The following RBPMS variants were observed in gnomAD, a reference collection of about 807,000 sequenced individuals.
RBPMS encodes the protein RNA-binding protein with multiple splicing.
A neutral mutation model predicts 26.8 loss-of-function variants in RBPMS; 7 were observed. The observed-to-expected ratio is 0.26, with a 90% confidence interval of 0.15 to 0.49. The LOEUF (loss-of-function observed/expected upper bound fraction) is 0.49, where lower values mean the gene tolerates loss of function less well. Ranked by LOEUF, RBPMS falls within the 20% of genes least tolerant of loss-of-function variation. The probability of loss-of-function intolerance (pLI) is 0.98; values close to 1 mark genes in which losing one functional copy is unlikely to be tolerated. For missense variants in RBPMS, 186 were observed against 250.0 expected (o/e 0.74, Z 1.73); for synonymous variants, 96 against 93.3 (o/e 1.03, Z -0.17).
intron 5 of RBPMS, among the ~76,000 whole-genome samples, chr8:30,510,655 T>TC (rs1218482659): frequency 3.3e-5 from 5 of 152,140 alleles, no homozygotes; most frequent in African/African-American, 1.2e-4. Flanking sequence ...CAATCATGGC[T>TC]CCCTGCAGCT....
chr8:30,469,299 G>A (rs1480979029), intron 1 of RBPMS, among the ~76,000 whole-genome samples: 3 of 152,192 alleles, frequency 2.0e-5, no homozygotes, highest in East Asian at 1.9e-4. Flanking sequence ...TTACTGAATC[G>A]GAGTTTATTA....
chr8:30,414,405 G>A (rs1213339353), intron 1 of RBPMS, among the ~76,000 whole-genome samples: 9 of 152,196 alleles, frequency 5.9e-5, no homozygotes, highest in Non-Finnish European at 1.2e-4. Context: ...AAGTAGGCCA[G>A]GTCTGTTGCT....
In RBPMS at chr8:30,491,201, C is replaced by T. The variant is rs890881728; in HGVS notation, c.246+11824C>T. Among the ~76,000 whole-genome samples, 3 of 152,038 alleles carry T rather than the reference C, an allele frequency of 2.0e-5. No homozygotes were observed. In the East Asian group the frequency reaches 5.8e-4, roughly 29 times the overall value. On this transcript the variant is annotated intron_variant, in intron 4 of 8. Transcript: ENST00000397323. Reference sequence around the variant, plus strand: ...GTAAATAATGTATTGGTATAAATGGCTCATTTTTATCCTTAGTGAAATAAA... The same window carrying T: ...GTAAATAATGTATTGGTATAAATGGTTCATTTTTATCCTTAGTGAAATAAA...
At chr8:30,473,462 G>A (rs1385186958) in intron 1 of RBPMS, among the ~76,000 whole-genome samples, 4 of 152,180 alleles carry the variant, frequency 2.6e-5, no homozygotes, top group Non-Finnish European at 4.4e-5. Context: ...TAGTGGCACC[G>A]TAGCCAGGTA....
chr8:30,556,013 G>A, intron 6 of RBPMS: 5 of 985,452 alleles, frequency 5.1e-6, no homozygotes, highest in Non-Finnish European at 6.0e-6. Context: ...TTGGCCAGGG[G>A]GGCACTGCCC....
intron 1 of RBPMS, among the ~76,000 whole-genome samples, chr8:30,437,500 C>A (rs1210559067): frequency 6.8e-6 from 1 of 147,528 alleles, no homozygotes; most frequent in African/African-American, 2.5e-5. Flanking sequence ...ACTAAAAATG[C>A]AAAAATTAGG....
chr8:30,424,889 ACG>A (rs1186987252), intron 1 of RBPMS, among the ~76,000 whole-genome samples: 1 of 152,088 alleles, frequency 6.6e-6, no homozygotes, highest in African/African-American at 2.4e-5. Flanking sequence ...TCTTGGGTAC[ACG>A]CGCGCACACA....
intron 6 of RBPMS, among the ~76,000 whole-genome samples, chr8:30,551,251 G>A (rs1368699175): frequency 9.2e-5 from 14 of 152,198 alleles, no homozygotes; most frequent in Admixed American, 9.2e-4. Flanking sequence ...CGTCCAGGGT[G>A]TTAGGGAGAC....
intron 5 of RBPMS, among the ~76,000 whole-genome samples, chr8:30,518,062 G>T (rs561647998): frequency 6.6e-6 from 1 of 152,298 alleles, no homozygotes; most frequent in South Asian, 2.1e-4. Context: ...TGAATAGGAG[G>T]AAACTTTTCA....
intron 4 of RBPMS, among the ~76,000 whole-genome samples, chr8:30,480,684 A>C (rs1442940479): frequency 6.6e-6 from 1 of 152,242 alleles, no homozygotes; most frequent in African/African-American, 2.4e-5. Context: ...CCAGTGGTAT[A>C]CACCGAAGCA....
At chr8:30,538,494 A>T (rs1380022894) in intron 5 of RBPMS, among the ~76,000 whole-genome samples, 1 of 152,078 alleles carries the variant, frequency 6.6e-6, no homozygotes, top group Non-Finnish European at 1.5e-5. Context: ...GACCTCAAGT[A>T]ATCCACCCGC....
chr8:30,387,921 C>A (rs182615704), intron 1 of RBPMS, among the ~76,000 whole-genome samples: 1 of 152,036 alleles, frequency 6.6e-6, no homozygotes, highest in East Asian at 1.9e-4. Flanking sequence ...AGTATTTTTG[C>A]AGCTTTTTAG....
chr8:30,436,037 A>C (rs2150687132), intron 1 of RBPMS, among the ~76,000 whole-genome samples: 1 of 152,356 alleles, frequency 6.6e-6, no homozygotes, highest in Non-Finnish European at 1.5e-5. Context: ...AATGTGGGTA[A>C]GTACAGGGAG....
At chr8:30,532,460 C>A (rs548585359) in intron 5 of RBPMS, among the ~76,000 whole-genome samples, 1 of 152,214 alleles carries the variant, frequency 6.6e-6, no homozygotes, top group African/African-American at 2.4e-5. Context: ...ATGTCAAATT[C>A]GCATTCAGTT....
At chr8:30,479,670 C>T (rs1368270769) in intron 4 of RBPMS, among the ~76,000 whole-genome samples, 1 of 152,050 alleles carries the variant, frequency 6.6e-6, no homozygotes, top group African/African-American at 2.4e-5. Context: ...AATGGTGGTG[C>T]GTAGTGCTGC....
intron 1 of RBPMS, among the ~76,000 whole-genome samples, chr8:30,419,035 T>TAAAAAAAAAAAAA: frequency 6.8e-6 from 1 of 146,708 alleles, no homozygotes. Context: ...GTAAATGTCA[T>TAAAAAAAAAAAAA]CATCTGCATA....
At chr8:30,461,585 C>T (rs1815907030) in intron 1 of RBPMS, among the ~76,000 whole-genome samples, 1 of 152,096 alleles carries the variant, frequency 6.6e-6, no homozygotes, top group Non-Finnish European at 1.5e-5. Context: ...TTAGTAGAGA[C>T]AGGGTTTCAC....
At chr8:30,409,562 C>G (rs1809045165) in intron 1 of RBPMS, among the ~76,000 whole-genome samples, 1 of 152,194 alleles carries the variant, frequency 6.6e-6, no homozygotes, top group Admixed American at 6.5e-5. Flanking sequence ...TTTGGGCTTT[C>G]CCCCAATAGG....
chr8:30,443,870 C>A (rs1194034274), intron 1 of RBPMS, among the ~76,000 whole-genome samples: 2 of 152,168 alleles, frequency 1.3e-5, no homozygotes, highest in South Asian at 2.1e-4. Flanking sequence ...GCTGGGATTA[C>A]AGGTGTGAGC....
Sources: gnomAD v4.1 joint callset for allele counts (sites outside exome capture counted in the v4.1 genomes callset) on GRCh38, gnomAD v4.1.1 for gene constraint, MANE v1.5 for transcripts, NCBI Gene and HGNC (gene_info 2026-07-23, HGNC 2026-07-21) for gene names.